The following TIGAR variants were observed in gnomAD, a reference collection of about 807,000 sequenced individuals.
The protein encoded by TIGAR is fructose-2,6-bisphosphatase TIGAR.
Under a neutral mutation model 17.9 loss-of-function variants are expected in TIGAR, and 7 were observed. That is an observed-to-expected ratio of 0.39 (90% CI 0.22 to 0.73). The LOEUF is 0.73. TIGAR is among the 30% of genes least tolerant of loss of function. The pLI is 0.42. For synonymous variants in TIGAR, 94 were observed against 108.6 expected (o/e 0.87, Z 0.84); for missense variants, 258 against 327.4 (o/e 0.79, Z 1.64).
At chr12:4,326,106 C>T (rs1397823289) in intron 1 of TIGAR, among the ~76,000 whole-genome samples, 3 of 152,186 alleles carry the variant, frequency 2.0e-5, no homozygotes, top group African/African-American at 7.2e-5. Flanking sequence ...TTTGTAGGGC[C>T]TATAAATGGC....
chr12:4,327,339 T>C (rs1864555672), intron 1 of TIGAR, among the ~76,000 whole-genome samples: 1 of 149,188 alleles, frequency 6.7e-6, no homozygotes, highest in South Asian at 2.1e-4. Context: ...AATCCTGGAG[T>C]TGGAGATTGC....
At chr12:4,343,795 C>A (rs777808746) in intron 3 of TIGAR, among the ~76,000 whole-genome samples, 1 of 152,162 alleles carries the variant, frequency 6.6e-6, no homozygotes, top group African/African-American at 2.4e-5. Flanking sequence ...CTAAAGTTGG[C>A]ACCCTAACAT....
Position 4,356,756 on chromosome 12 carries a change from C to T in TIGAR, c.*4065C>T, listed in dbSNP as rs1051580573. ...CCTGTACTCATCTTTCCCACCTTGT[C>T]TTGCCTGTTTCTGTTAGGTTTAGTC... On this transcript the variant is annotated 3_prime_UTR_variant, in exon 6 of 6. Coordinates refer to ENST00000179259, the MANE Select transcript of TIGAR (RefSeq NM_020375.3). 9.9e-5 allele frequency among the ~76,000 whole-genome samples: 15 copies of T among 152,204 alleles called. No homozygotes were observed. Among genetic ancestry groups the T allele is most frequent in the African/African-American group, 3.6e-4 (15 of 41,452 alleles).
At chr12:4,334,329 G>A (rs1036125625) in intron 2 of TIGAR, among the ~76,000 whole-genome samples, 1 of 152,126 alleles carries the variant, frequency 6.6e-6, no homozygotes, top group African/African-American at 2.4e-5. Flanking sequence ...ATGGCAGAGA[G>A]ATAGATTGAG....
In TIGAR at chr12:4,351,286, G is replaced by C; in HGVS notation, c.290G>C (p.Gly97Ala). The C allele has an allele frequency of 6.2e-6, 10 of 1,614,128 alleles. No homozygotes were observed. The highest frequency in any genetic ancestry group is 8.5e-6 in the Non-Finnish European group (10 of 1,180,004). ...LRERKYGVVEGKALSELRAMA... is the reference protein window; with the variant it reads ...LRERKYGVVEAKALSELRAMA... Reference sequence around the variant, plus strand: ...TTTCAGAAATACGGGGTTGTAGAAGGCAAAGCGCTAAGTGAGCTGAGGGCC... The same window carrying C: ...TTTCAGAAATACGGGGTTGTAGAAGCCAAAGCGCTAAGTGAGCTGAGGGCC... The change falls in exon 5 of 6, where the codon GGC (glycine) becomes GCC (alanine). Residue 97 changes from glycine (G) to alanine (A), a missense_variant. Transcript: ENST00000179259.
chr12:4,339,432 T>C (rs1864695949), intron 3 of TIGAR, among the ~76,000 whole-genome samples: 1 of 152,170 alleles, frequency 6.6e-6, no homozygotes, highest in African/African-American at 2.4e-5. Context: ...AAGAAGAGTC[T>C]GGGACCTGAT....
chr12:4,355,288 T>C lies in TIGAR; in HGVS notation c.*2597T>C, dbSNP rs1410267122. On this transcript the variant is annotated 3_prime_UTR_variant, in exon 6 of 6. Coordinates refer to ENST00000179259, the MANE Select transcript of TIGAR (RefSeq NM_020375.3). ...GTTATCCCAACACCATTGTAAAGGCTGTTCTTTCCCAATTGGTTTGTGGTG... is the reference window on the plus strand; with the variant it reads ...GTTATCCCAACACCATTGTAAAGGCCGTTCTTTCCCAATTGGTTTGTGGTG... Among the ~76,000 whole-genome samples, 9 of 152,176 alleles carry C rather than the reference T, an allele frequency of 5.9e-5. No individual in the cohort carries two copies. Among genetic ancestry groups the C allele is most frequent in the Non-Finnish European group, 1.2e-4 (8 of 68,032 alleles).
At chr12:4,328,270 C>T (rs528326505) in intron 1 of TIGAR, among the ~76,000 whole-genome samples, 1 of 152,170 alleles carries the variant, frequency 6.6e-6, no homozygotes, top group Admixed American at 6.5e-5. Flanking sequence ...TGGCTCACTG[C>T]AACCTCCACC....
Position 4,337,146 on chromosome 12 carries a change from A to T in TIGAR, c.178A>T (p.Met60Leu). The change falls in exon 3 of 6, where the codon ATG becomes TTG. Residue 60 changes from methionine (M) to leucine (L), a missense_variant. Physicochemically the swap from Met to Leu is conservative, Grantham distance 15. Transcript: ENST00000179259. ...TACTCATGCTTTCTCCAGTGATCTC[A>T]TGAGGACAAAGCAGGTACATTTATT... The part of the protein sequence containing the change: ...KFTHAFSSDL[M>L]RTKQTMHGIL... The T allele has an allele frequency of 6.2e-7, 1 of 1,610,804 alleles. No homozygotes were observed. Among genetic ancestry groups the T allele is most frequent in the East Asian group, 2.2e-5 (1 of 44,800 alleles).
Position 4,351,136 on chromosome 12 carries a change from A to C in TIGAR, c.271-131A>C, listed in dbSNP as rs74058851. On this transcript the variant is annotated intron_variant, in intron 4 of 5. Transcript: ENST00000179259. The stretch of plus-strand genomic sequence containing the variant: ...TACATTCTCATTATCAGTTCAGAGG[A>C]GATAGAATCAATTAAGTGGAGGAGA... 6.3e-3 allele frequency: 4,706 copies of C among 746,466 alleles called. 162 individuals carry two copies. The African/African-American group carries it at 0.072, about 11-fold the overall frequency. The allele number at this position is 746,466 out of a possible 1,614,324, so 46.2% of individuals were successfully genotyped here.
chr12:4,340,144 G>C (rs543164405), intron 3 of TIGAR, among the ~76,000 whole-genome samples: 1 of 152,186 alleles, frequency 6.6e-6, no homozygotes, highest in African/African-American at 2.4e-5. Context: ...GCAGATGATA[G>C]GATCTTATAT....
chr12:4,346,518 C>T (rs1864782332), intron 3 of TIGAR, among the ~76,000 whole-genome samples: 2 of 152,088 alleles, frequency 1.3e-5, no homozygotes, highest in South Asian at 4.1e-4. Flanking sequence ...AAAAACCAAA[C>T]ACCGCGTTTT....
At chr12:4,324,718 TCGCAGGACACGTCCCGTCC>T (rs1864521612) in intron 1 of TIGAR, 1 of 722,034 alleles carries the variant, frequency 1.4e-6, no homozygotes, top group Non-Finnish European at 2.2e-6. Flanking sequence ...CGTCAGCTGC[TCGCAGGACACGTCCCGTCC>T]CGCAGCTGGT....
At chr12:4,329,531 G>T (rs1864582951) in intron 1 of TIGAR, among the ~76,000 whole-genome samples, 1 of 151,676 alleles carries the variant, frequency 6.6e-6, no homozygotes, top group Non-Finnish European at 1.5e-5. Flanking sequence ...TAGAGATGGG[G>T]TTTCATCATC....
intron 1 of TIGAR, among the ~76,000 whole-genome samples, chr12:4,322,926 G>C (rs1864496333): frequency 2.6e-5 from 4 of 151,994 alleles, no homozygotes. Flanking sequence ...TCCAATGTTA[G>C]TGCACTTTCT....
At chr12:4,342,844 G>C (rs1399750702) in intron 3 of TIGAR, among the ~76,000 whole-genome samples, 1 of 152,182 alleles carries the variant, frequency 6.6e-6, no homozygotes, top group East Asian at 1.9e-4. Context: ...AGCAAAATAA[G>C]CAGCTAACAT....
chr12:4,351,323 A>T lies in TIGAR; in HGVS notation c.327A>T (p.Ala109=), dbSNP rs1185083751. The T allele has an allele frequency of 1.2e-6, 2 of 1,614,132 alleles. No individual in the cohort carries two copies. The change falls in exon 5 of 6, where the codon GCA becomes GCT. Residue 109 remains alanine (A), a synonymous_variant. Coordinates refer to ENST00000179259, the MANE Select transcript of TIGAR (RefSeq NM_020375.3). The part of the protein sequence containing the change: ...ALSELRAMAK[A]AREECPVFTP... ...GTGAGCTGAGGGCCATGGCCAAAGC[A>T]GCCAGGGAAGAGTGCCCTGTGTTTA...
chr12:4,324,262 G>C (rs1320472499), intron 1 of TIGAR: 3 of 630,826 alleles, frequency 4.8e-6, no homozygotes, highest in Non-Finnish European at 8.4e-6. Flanking sequence ...GAAGGGTCTG[G>C]TTCCTTGGAA....
At chr12:4,333,514 G>C (rs574545307) in intron 2 of TIGAR, among the ~76,000 whole-genome samples, 2 of 152,130 alleles carry the variant, frequency 1.3e-5, no homozygotes, top group South Asian at 4.2e-4. Context: ...CTGTTGCCCA[G>C]GCTGGAGTGC....
Sources: allele counts gnomAD v4.1 joint callset (sites outside exome capture counted in the v4.1 genomes callset), GRCh38; gene constraint gnomAD v4.1.1; transcripts MANE v1.5; gene names NCBI Gene and HGNC (gene_info 2026-07-23, HGNC 2026-07-21).